Variants in ANKS1B observed in about 807,000 individuals in gnomAD.
ANKS1B encodes the protein ankyrin repeat and sterile alpha motif domain-containing protein 1B.
ANKS1B carries 36 observed loss-of-function variants against 148.3 expected under a neutral mutation model. The observed-to-expected ratio is 0.24, with a 90% CI of 0.19 to 0.32. The LOEUF is 0.32. Among genes scored for constraint, ANKS1B ranks in the 10% least tolerant of loss-of-function variants. The pLI, the probability that ANKS1B is intolerant of heterozygous loss-of-function variation, is 1.00. For synonymous variants in ANKS1B, 542 were observed against 560.8 expected (o/e 0.97, Z 0.47); for missense variants, 1,157 against 1,542.6 (o/e 0.75, Z 4.19).
chr12:99,334,193 C>G (rs528991411), intron 12 of ANKS1B, among the ~76,000 whole-genome samples: 27 of 124,596 alleles, frequency 2.2e-4, no homozygotes, highest in African/African-American at 1.1e-3. Context: ...TAGATAGATA[C>G]ATAGATACAT....
chr12:99,056,909 A>C (rs1258578534), intron 16 of ANKS1B, among the ~76,000 whole-genome samples: 1 of 152,188 alleles, frequency 6.6e-6, no homozygotes, highest in East Asian at 1.9e-4. Flanking sequence ...CACCAACATA[A>C]GTCAAAAACA....
intron 10 of ANKS1B, among the ~76,000 whole-genome samples, chr12:99,474,940 T>A (rs533998701): frequency 6.6e-6 from 1 of 152,068 alleles, no homozygotes; most frequent in East Asian, 1.9e-4. Context: ...AAAGCCTCTA[T>A]AAAACTCAAA....
chr12:99,787,749 G>A (rs993915752), intron 4 of ANKS1B, among the ~76,000 whole-genome samples: 10 of 152,170 alleles, frequency 6.6e-5, no homozygotes, highest in Non-Finnish European at 8.8e-5. Flanking sequence ...CTTGAATCAC[G>A]GGCGCTGCCC....
chr12:99,193,755 C>T (rs1375624954), intron 14 of ANKS1B, among the ~76,000 whole-genome samples: 4 of 147,166 alleles, frequency 2.7e-5, no homozygotes, highest in African/African-American at 9.9e-5. Context: ...CTCTGGGGAC[C>T]TAGTGTAAGA....
intron 9 of ANKS1B, among the ~76,000 whole-genome samples, chr12:99,547,551 A>G (rs569500180): frequency 1.3e-5 from 2 of 152,256 alleles, no homozygotes; most frequent in South Asian, 2.1e-4. Context: ...GAATCCACCC[A>G]AAGTGAGGTG....
intron 9 of ANKS1B, among the ~76,000 whole-genome samples, chr12:99,581,892 C>G (rs1405367938): frequency 7.5e-6 from 1 of 132,732 alleles, no homozygotes; most frequent in Non-Finnish European, 1.6e-5. Context: ...AGCGAGACTC[C>G]GTCTCAAAAA....
chr12:98,847,168 C>G (rs962656912), intron 17 of ANKS1B, among the ~76,000 whole-genome samples: 4 of 152,138 alleles, frequency 2.6e-5, no homozygotes, highest in African/African-American at 9.7e-5. Flanking sequence ...TTTAAATACA[C>G]AATACACTAT....
intron 14 of ANKS1B, among the ~76,000 whole-genome samples, chr12:99,188,544 C>G (rs2080200649): frequency 6.6e-6 from 1 of 152,202 alleles, no homozygotes; most frequent in African/African-American, 2.4e-5. Context: ...AAGAAACTCA[C>G]TCAAAACCAC....
At chr12:99,514,634 A>T (rs1185468887) in intron 9 of ANKS1B, among the ~76,000 whole-genome samples, 1 of 152,020 alleles carries the variant, frequency 6.6e-6, no homozygotes, top group South Asian at 2.1e-4. Context: ...TAGGGATCCA[A>T]CCTTGGTCTT....
intron 10 of ANKS1B, among the ~76,000 whole-genome samples, chr12:99,447,545 G>C (rs1044417701): frequency 1.3e-5 from 2 of 151,988 alleles, no homozygotes; most frequent in Admixed American, 1.3e-4. Flanking sequence ...ACATTGATTT[G>C]GGCAATGATT....
chr12:99,614,057 C>T lies in ANKS1B; in HGVS notation c.1272+41010G>A, dbSNP rs74820285. On this transcript the variant is annotated intron_variant, in intron 9 of 26. Coordinates refer to ENST00000683438, the MANE Select transcript of ANKS1B (RefSeq NM_001352186.2). Reference sequence around the variant, plus strand: ...CTTGCATATTAACCAGTCACTGGAACCCAACATTCATTCATTTATTTTTCT... The same window carrying T: ...CTTGCATATTAACCAGTCACTGGAATCCAACATTCATTCATTTATTTTTCT... Among the ~76,000 whole-genome samples the T allele has an allele frequency of 3.3e-3, 508 of 151,814 alleles. 6 individuals are homozygous for T. The highest frequency in any genetic ancestry group is 0.02 in the Middle Eastern group (6 of 294).
At chr12:99,800,876 A>G (rs547580126) in intron 4 of ANKS1B, among the ~76,000 whole-genome samples, 1 of 152,246 alleles carries the variant, frequency 6.6e-6, no homozygotes, top group South Asian at 2.1e-4. Context: ...TTGGAACTCA[A>G]GAGATTGGAT....
At chr12:99,854,587 A>T (rs770161447) in intron 1 of ANKS1B, among the ~76,000 whole-genome samples, 1 of 152,216 alleles carries the variant, frequency 6.6e-6, no homozygotes, top group African/African-American at 2.4e-5. Flanking sequence ...TCACGTAGGT[A>T]CACAGTCCTC....
intron 9 of ANKS1B, among the ~76,000 whole-genome samples, chr12:99,536,331 G>T (rs1166308128): frequency 6.6e-6 from 1 of 152,030 alleles, no homozygotes; most frequent in Non-Finnish European, 1.5e-5. Flanking sequence ...TGGGGGCAAG[G>T]GAGATATGGG....
intron 8 of ANKS1B, among the ~76,000 whole-genome samples, chr12:99,715,838 C>T (rs570147321): frequency 4.2e-4 from 64 of 152,318 alleles, no homozygotes; most frequent in Non-Finnish European, 7.4e-4. Context: ...TTCAATCTCT[C>T]CCTTCTCTTA....
chr12:99,145,952 T>C (rs1566435021), intron 15 of ANKS1B, among the ~76,000 whole-genome samples: 1 of 152,090 alleles, frequency 6.6e-6, no homozygotes, highest in Non-Finnish European at 1.5e-5. Flanking sequence ...TGGAACTATA[T>C]AGAATTATGG....
At chr12:98,742,136 C>A (rs570064436), downstream of ANKS1B, among the ~76,000 whole-genome samples, 5 of 152,354 alleles carry the variant, frequency 3.3e-5, no homozygotes, top group South Asian at 1.0e-3. Context: ...CATCTGTACT[C>A]GTGAAGTCTG....
intron 17 of ANKS1B, among the ~76,000 whole-genome samples, chr12:98,956,089 C>A (rs901136446): frequency 6.6e-6 from 1 of 152,208 alleles, no homozygotes; most frequent in Non-Finnish European, 1.5e-5. Context: ...CACACCATGT[C>A]TAAAATGGAA....
chr12:99,482,811 G>C (rs531508348), intron 10 of ANKS1B, among the ~76,000 whole-genome samples: 1 of 152,038 alleles, frequency 6.6e-6, no homozygotes, highest in East Asian at 1.9e-4. Context: ...TTCTCAGTGT[G>C]ATCATTGTTG....
Sources: gnomAD v4.1 joint callset for allele counts (sites outside exome capture counted in the v4.1 genomes callset) on GRCh38, gnomAD v4.1.1 for gene constraint, MANE v1.5 for transcripts, NCBI Gene and HGNC (gene_info 2026-07-23, HGNC 2026-07-21) for gene names.